Variants in LRMDA observed in about 807,000 individuals in gnomAD.
LRMDA encodes the protein leucine-rich melanocyte differentiation-associated protein.
LRMDA carries 18 observed loss-of-function variants against 29.8 expected under a neutral mutation model. The observed-to-expected ratio is 0.60, with a 90% CI of 0.42 to 0.90. The LOEUF is 0.90. Ranked by LOEUF, LRMDA falls within the 40% of genes least tolerant of loss-of-function variation. LRMDA has a pLI of 0.00. For synonymous variants in LRMDA, 125 were observed against 109.4 expected (o/e 1.14, Z -0.89); for missense variants, 273 against 273.9 (o/e 1.00, Z 0.02).
chr10:76,525,478 T>C (rs935941380), intron 6 of LRMDA, among the ~76,000 whole-genome samples: 35 of 152,202 alleles, frequency 2.3e-4, no homozygotes, highest in Admixed American at 2.2e-3. Context: ...TTGTTCACTT[T>C]GTGTTTCCGC....
chr10:75,830,890 C>T (rs1045070101), intron 2 of LRMDA, among the ~76,000 whole-genome samples: 3 of 152,176 alleles, frequency 2.0e-5, no homozygotes. Flanking sequence ...GTCCCTTCCA[C>T]CTATGAGCCT....
At chr10:76,188,985 G>T (rs971334789) in intron 5 of LRMDA, among the ~76,000 whole-genome samples, 1 of 149,492 alleles carries the variant, frequency 6.7e-6, no homozygotes, top group African/African-American at 2.5e-5. Context: ...TGTTTATTAA[G>T]TAGTTAGATC....
At chr10:75,904,408 T>A (rs747256473) in intron 2 of LRMDA, among the ~76,000 whole-genome samples, 4 of 152,186 alleles carry the variant, frequency 2.6e-5, no homozygotes, top group Non-Finnish European at 5.9e-5. Context: ...CGTCTATGGT[T>A]TGCTGGAGAA....
Position 75,540,710 on chromosome 10 carries a change from C to T in LRMDA, c.131+102216C>T, listed in dbSNP as rs555385473. Among the ~76,000 whole-genome samples, 5 of 152,304 alleles carry T rather than the reference C, an allele frequency of 3.3e-5. No individual in the cohort carries two copies. In the East Asian group the frequency reaches 9.6e-4, roughly 29 times the overall value. ...AATATTACTTTCTTGCAGTGCTTATCCCACACTATTGTAATTAGTTGTGTA... is the reference window on the plus strand; with the variant it reads ...AATATTACTTTCTTGCAGTGCTTATTCCACACTATTGTAATTAGTTGTGTA... On this transcript the variant is annotated intron_variant, in intron 2 of 6. Transcript: ENST00000611255.
chr10:76,209,079 A>T (rs546512337), intron 5 of LRMDA, among the ~76,000 whole-genome samples: 1 of 152,072 alleles, frequency 6.6e-6, no homozygotes, highest in Admixed American at 6.6e-5. Context: ...ACTTGAACCC[A>T]GGAGGCAGAG....
At chr10:76,038,856 A>G (rs763112281) in intron 3 of LRMDA, among the ~76,000 whole-genome samples, 3 of 152,202 alleles carry the variant, frequency 2.0e-5, no homozygotes, top group Non-Finnish European at 2.9e-5. Flanking sequence ...TTACAATTCT[A>G]TAGATCAGAT....
chr10:75,595,572 A>G (rs1437977010), intron 2 of LRMDA, among the ~76,000 whole-genome samples: 1 of 148,966 alleles, frequency 6.7e-6, no homozygotes, highest in East Asian at 1.9e-4. Context: ...TATAATTATA[A>G]TATATATAAT....
intron 2 of LRMDA, among the ~76,000 whole-genome samples, chr10:76,012,041 T>TG (rs1847791658): frequency 6.6e-6 from 1 of 151,990 alleles, no homozygotes; most frequent in African/African-American, 2.4e-5. Context: ...CACTCTAGGG[T>TG]TAGGGGCAGG....
intron 5 of LRMDA, among the ~76,000 whole-genome samples, chr10:76,186,419 A>G (rs1564678755): frequency 6.6e-6 from 1 of 152,224 alleles, no homozygotes; most frequent in Non-Finnish European, 1.5e-5. Flanking sequence ...GGCCATGCAA[A>G]TAACATGTCA....
intron 2 of LRMDA, among the ~76,000 whole-genome samples, chr10:75,944,159 C>T (rs140627185): frequency 2.8e-4 from 42 of 152,108 alleles, no homozygotes; most frequent in Admixed American, 1.3e-3. Flanking sequence ...CCTTCATTTT[C>T]GAAGAATATT....
intron 6 of LRMDA, among the ~76,000 whole-genome samples, chr10:76,405,217 G>T (rs1034817948): frequency 2.0e-4 from 30 of 152,180 alleles, no homozygotes; most frequent in African/African-American, 6.8e-4. Context: ...GACCATCTTG[G>T]TCCCCGGTTC....
chr10:75,487,890 G>T (rs1387363753), intron 2 of LRMDA, among the ~76,000 whole-genome samples: 2 of 152,154 alleles, frequency 1.3e-5, no homozygotes, highest in Non-Finnish European at 2.9e-5. Context: ...ATGGGGCATG[G>T]GTCACTCTGA....
intron 2 of LRMDA, among the ~76,000 whole-genome samples, chr10:75,627,399 A>G (rs1841264481): frequency 6.6e-6 from 1 of 152,176 alleles, no homozygotes; most frequent in South Asian, 2.1e-4. Context: ...AGATATTTGA[A>G]GATATGGAAA....
chr10:75,546,052 G>A (rs1011576553), intron 2 of LRMDA, among the ~76,000 whole-genome samples: 2 of 152,168 alleles, frequency 1.3e-5, no homozygotes, highest in African/African-American at 4.8e-5. Flanking sequence ...TGCTCTTTTG[G>A]TGCTGGGAAG....
rs534428016 is a variant in LRMDA, at chr10:75,611,364, A to G, written c.131+172870A>G. On this transcript the variant is annotated intron_variant, in intron 2 of 6. Coordinates refer to ENST00000611255, the MANE Select transcript of LRMDA (RefSeq NM_001305581.2). ...TCTGGTTTCATTTCCTTTTTATTGT[A>G]ATAAAATTTACCATTCAAACTATTT... Among the ~76,000 whole-genome samples the G allele has an allele frequency of 3.3e-5, 5 of 152,218 alleles. No homozygotes were observed. The East Asian group carries it at 9.6e-4, about 29-fold the overall frequency.
intron 2 of LRMDA, among the ~76,000 whole-genome samples, chr10:75,455,108 C>T (rs1316003949): frequency 6.6e-6 from 1 of 152,154 alleles, no homozygotes; most frequent in Admixed American, 6.5e-5. Context: ...CTTGGAGGCA[C>T]CTGAGCTAGG....
At chr10:75,470,549 T>C (rs1844713653) in intron 2 of LRMDA, among the ~76,000 whole-genome samples, 1 of 152,192 alleles carries the variant, frequency 6.6e-6, no homozygotes, top group Non-Finnish European at 1.5e-5. Flanking sequence ...TGAAGGCATT[T>C]CAGCCATCAG....
rs534373803 is a variant in LRMDA, at chr10:75,562,626, G to A, written c.131+124132G>A. On this transcript the variant is annotated intron_variant, in intron 2 of 6. Coordinates refer to ENST00000611255, the MANE Select transcript of LRMDA (RefSeq NM_001305581.2). ...GTTGATGCAGTTTCTTCCTAGCCTC[G>A]ATGGTCTTTACATTTTGGCATGATT... 8.7e-4 allele frequency among the ~76,000 whole-genome samples: 132 copies of A among 152,130 alleles called. No individual in the cohort carries two copies. The South Asian group carries it at 0.01, about 12-fold the overall frequency.
rs535078656 is a variant in LRMDA, at chr10:76,500,419, T to C, written c.602-56790T>C. ...CTTAAAAAACATAATAGTTTCATAATGGTCCATCTTGTGGTTAATACATAC... is the reference window on the plus strand; with the variant it reads ...CTTAAAAAACATAATAGTTTCATAACGGTCCATCTTGTGGTTAATACATAC... On this transcript the variant is annotated intron_variant, in intron 6 of 6. Transcript: ENST00000611255. 3.9e-5 allele frequency among the ~76,000 whole-genome samples: 3 copies of C among 76,284 alleles called. 1 individual carries two copies. The East Asian group carries it at 7.4e-4, about 19-fold the overall frequency. 50.0% of individuals were successfully genotyped at this position (76,284 alleles called of 152,430 possible). A position where few individuals can be genotyped will look rare whatever the true frequency, so the allele number is the denominator to read the frequency against.
Sources: gnomAD v4.1 joint callset for allele counts (sites outside exome capture counted in the v4.1 genomes callset) on GRCh38, gnomAD v4.1.1 for gene constraint, MANE v1.5 for transcripts, NCBI Gene and HGNC (gene_info 2026-07-23, HGNC 2026-07-21) for gene names.